The following NOTCH2 variants were observed in gnomAD, a reference collection of about 807,000 sequenced individuals.
NOTCH2 encodes neurogenic locus notch homolog protein 2.
In NOTCH2, 29 loss-of-function variants were observed where a neutral mutation model predicts 235.8. The observed-to-expected ratio is 0.12, with a 90% CI of 0.09 to 0.17. The LOEUF is 0.17. NOTCH2 is among the 10% of genes least tolerant of loss of function. The pLI, the probability that NOTCH2 is intolerant of heterozygous loss-of-function variation, is 1.00. For missense variants in NOTCH2, 2,285 were observed against 3,150.2 expected (o/e 0.73, Z 6.57); for synonymous variants, 1,086 against 1,141.5 (o/e 0.95, Z 0.98).
intron 17 of NOTCH2, among the ~76,000 whole-genome samples, chr1:119,946,928 T>C (rs1052506483): frequency 2.0e-5 from 3 of 152,096 alleles, no homozygotes; most frequent in Non-Finnish European, 2.9e-5. Flanking sequence ...ATCTAAACTA[T>C]CTAGAGGCTA....
intron 3 of NOTCH2, among the ~76,000 whole-genome samples, chr1:120,005,060 T>C (rs1194993694): frequency 3.3e-5 from 5 of 152,332 alleles, no homozygotes; most frequent in East Asian, 3.9e-4. Context: ...AGTGCTGGGA[T>C]TGCAAGCGTG....
At chr1:120,066,006 T>G (rs1655491348) in intron 1 of NOTCH2, among the ~76,000 whole-genome samples, 1 of 151,138 alleles carries the variant, frequency 6.6e-6, no homozygotes, top group African/African-American at 2.4e-5. Flanking sequence ...CATGTATGAA[T>G]GACATTTAAG....
intron 1 of NOTCH2, among the ~76,000 whole-genome samples, chr1:120,055,105 C>G (rs1225553457): frequency 6.8e-6 from 1 of 146,218 alleles, no homozygotes; most frequent in South Asian, 2.2e-4. Flanking sequence ...TTACCACTGA[C>G]TGGCTAGGTG....
chr1:120,022,909 G>A (rs1439091448), intron 2 of NOTCH2, among the ~76,000 whole-genome samples: 4 of 149,748 alleles, frequency 2.7e-5, no homozygotes, highest in Non-Finnish European at 5.9e-5. Context: ...CATTTTCCAC[G>A]AGTATATCTC....
At chr1:119,928,849 T>C in intron 23 of NOTCH2, 127 bp downstream of exon 23, 1 of 781,736 alleles carries the variant, frequency 1.3e-6, no homozygotes, top group Non-Finnish European at 2.2e-6. Flanking sequence ...TTTAAAAAAT[T>C]AAGCTGCTGT....
chr1:119,969,419 A>G, intron 6 of NOTCH2, 92 bp downstream of exon 6: 3 of 1,081,376 alleles, frequency 2.8e-6, no homozygotes, highest in African/African-American at 1.6e-5. Flanking sequence ...ATGGTAACTC[A>G]AAGAATATGC....
intron 2 of NOTCH2, among the ~76,000 whole-genome samples, chr1:120,011,055 C>T (rs1294174497): frequency 3.3e-5 from 5 of 152,214 alleles, no homozygotes; most frequent in Admixed American, 1.3e-4. Context: ...TATGAAATGT[C>T]CAGAATATGC....
intron 25 of NOTCH2, 95 bp downstream of exon 25, chr1:119,925,210 T>C: frequency 6.6e-7 from 1 of 1,505,934 alleles, no homozygotes; most frequent in Non-Finnish European, 9.2e-7. Flanking sequence ...AGAGGCAGCT[T>C]AGGCTGAAGC....
At chr1:120,067,061 T>C (rs1458268122) in intron 1 of NOTCH2, among the ~76,000 whole-genome samples, 1 of 151,188 alleles carries the variant, frequency 6.6e-6, no homozygotes, top group Admixed American at 6.6e-5. Flanking sequence ...AACATCTCCT[T>C]GCCTTAGAAA....
rs2101124277 is a variant in NOTCH2, at chr1:119,955,037, C to T, written c.2219+3G>A. 1 of 1,613,478 alleles carries T rather than the reference C, an allele frequency of 6.2e-7. No homozygotes were observed. Among genetic ancestry groups the T allele is most frequent in the Non-Finnish European group, 8.5e-7 (1 of 1,179,850 alleles). On this transcript the variant is annotated splice_donor_region_variant and intron_variant, in intron 13 of 33. Transcript: ENST00000256646. ...GAAACTATCACATGGGGCAGCTACT[C>T]ACCCACTGAGACCTCCAGTACAGTT...
At chr1:120,060,377 A>C (rs1217093354) in intron 1 of NOTCH2, among the ~76,000 whole-genome samples, 1 of 148,052 alleles carries the variant, frequency 6.8e-6, no homozygotes, top group Non-Finnish European at 1.5e-5. Context: ...ATTTTTAAAA[A>C]TAAAACCTAG....
At chr1:120,031,163 CATCCCTGGCCACGAAACCAG>C (rs1654074983) in intron 1 of NOTCH2, among the ~76,000 whole-genome samples, 2 of 147,878 alleles carry the variant, frequency 1.4e-5, no homozygotes, top group African/African-American at 2.5e-5. Flanking sequence ...TAGGCCTGGC[CATCCCTGGCCACGAAACCAG>C]TAGCCCAGGT....
chr1:119,966,308 G>T, intron 9 of NOTCH2, 68 bp downstream of exon 9: 4 of 1,017,948 alleles, frequency 3.9e-6, no homozygotes, highest in African/African-American at 1.6e-5. Context: ...TTCTCTCCCT[G>T]CTCTCTTCCC....
At chr1:119,955,998 G>A in intron 12 of NOTCH2, among the ~76,000 whole-genome samples, 1 of 152,180 alleles carries the variant, frequency 6.6e-6, no homozygotes, top group Non-Finnish European at 1.5e-5. Context: ...AATGTAGGTG[G>A]TGTAAAAACT....
At chr1:119,986,912 G>A (rs781824601) in intron 5 of NOTCH2, 48 bp downstream of exon 5, 3 of 1,612,582 alleles carry the variant, frequency 1.9e-6, no homozygotes, top group Non-Finnish European at 2.5e-6. Flanking sequence ...TCTGCCTCTG[G>A]TTACCAATCC....
intron 1 of NOTCH2, among the ~76,000 whole-genome samples, chr1:120,065,986 C>CA: frequency 6.7e-6 from 1 of 149,538 alleles, no homozygotes; most frequent in South Asian, 2.1e-4. Context: ...GATAAAGGGT[C>CA]AAAAAACAAC....
At chr1:119,972,457 G>A (rs1188236734) in intron 5 of NOTCH2, among the ~76,000 whole-genome samples, 1 of 152,178 alleles carries the variant, frequency 6.6e-6, no homozygotes, top group African/African-American at 2.4e-5. Flanking sequence ...CTTGCTGAAT[G>A]TGAACAATTT....
intron 22 of NOTCH2, among the ~76,000 whole-genome samples, chr1:119,932,644 T>TATCC (rs1176008730): frequency 1.3e-5 from 2 of 151,930 alleles, no homozygotes; most frequent in South Asian, 2.1e-4. Context: ...TCTATCTATC[T>TATCC]ATCTATCTCA....
intron 1 of NOTCH2, among the ~76,000 whole-genome samples, chr1:120,063,480 G>C (rs1225857497): frequency 1.3e-5 from 2 of 152,116 alleles, no homozygotes; most frequent in African/African-American, 4.8e-5. Flanking sequence ...GGAATAAGGA[G>C]GCTTACAACA....
Sources: allele counts gnomAD v4.1 joint callset (sites outside exome capture counted in the v4.1 genomes callset), GRCh38; gene constraint gnomAD v4.1.1; transcripts MANE v1.5; gene names NCBI Gene and HGNC (gene_info 2026-07-23, HGNC 2026-07-21).